Variants in CRB2 observed in about 807,000 individuals in gnomAD.
The protein encoded by CRB2 is crumbs cell polarity complex component 2, also known as protein crumbs homolog 2.
In CRB2, 85 loss-of-function variants were observed where a neutral mutation model predicts 110.9. The ratio of observed to expected loss-of-function variants is 0.77; its 90% CI spans 0.64 to 0.92. The LOEUF is 0.92. Among genes scored for constraint, CRB2 ranks in the 40% least tolerant of loss-of-function variants. The probability of loss-of-function intolerance (pLI) is 0.00; values close to 1 mark genes in which losing one functional copy is unlikely to be tolerated. For synonymous variants in CRB2, 907 were observed against 831.0 expected, an observed-to-expected ratio of 1.09 and a Z score of -1.57; for missense variants, 1,843 against 1,851.3, an observed-to-expected ratio of 1.00 and a Z score of 0.08.
At position 123,371,060 on chromosome 9, in the gene CRB2, C is replaced by G. The variant is rs1303529462; in HGVS notation, c.1928-10C>G. ...GCAGGCCTCACACCTGGCACCTTCT[C>G]TCCCTGCAGAGATTCCTGCTGCCAC... On this transcript the variant is annotated splice_polypyrimidine_tract_variant and intron_variant, in intron 7 of 12. Transcript: ENST00000373631. 1 of 1,609,252 alleles carries G rather than the reference C, an allele frequency of 6.2e-7. No individual in the cohort carries two copies. Among genetic ancestry groups the G allele is most frequent in the Non-Finnish European group, 8.5e-7 (1 of 1,177,890 alleles).
At position 123,371,440 on chromosome 9, in the gene CRB2, C is replaced by T. The variant is rs369105618; in HGVS notation, c.2298C>T (p.Cys766=). 2.5e-6 allele frequency: 4 copies of T among 1,612,828 alleles called. No homozygotes were observed. The highest frequency in any genetic ancestry group is 3.4e-6 in the Non-Finnish European group (4 of 1,179,932). ...SQPWGGPFRG[C]LQDLRLDGCH... is the part of the protein sequence containing the mutation. ...CCTGGGGTGGGCCCTTCCGAGGCTG[C>T]CTCCAGGACCTGCGACTCGATGGCT... The change falls in exon 8 of 13, where the codon TGC becomes TGT. Residue 766 remains cysteine, a synonymous_variant. Transcript: ENST00000373631.
At chr9:123,358,693 A>AG (rs1402066605) in intron 1 of CRB2, among the ~76,000 whole-genome samples, 1 of 152,258 alleles carries the variant, frequency 6.6e-6, no homozygotes, top group African/African-American at 2.4e-5. Context: ...AGAGATGGCC[A>AG]GTCCCAGAGC....
At chr9:123,374,519 C>A in intron 10 of CRB2, 60 bp from the exon 11 acceptor site, 1 of 1,262,364 alleles carries the variant, frequency 7.9e-7, no homozygotes, top group Non-Finnish European at 1.1e-6. Flanking sequence ...ACGGTCACAG[C>A]GCTGGGGAGG....
At position 123,367,155 on chromosome 9, in the gene CRB2, C is replaced by CGTGT. The variant is rs776120721; in HGVS notation, c.755-11_755-8dup. The CGTGT allele has an allele frequency of 3.2e-6, 5 of 1,566,432 alleles. No homozygotes were observed. The African/African-American group carries it at 6.9e-5, about 22-fold the overall frequency. Reference sequence around the variant, plus strand: ...GCAACCCCGTGAGACCTGATGTCCGCGTGTGTGTGCCCCCAGGCTACAGCG... The same window carrying CGTGT: ...GCAACCCCGTGAGACCTGATGTCCGCGTGTGTGTGTGTGCCCCCAGGCTACAGCG... On this transcript the variant is annotated splice_polypyrimidine_tract_variant and intron_variant, in intron 4 of 12. Transcript: ENST00000373631.
At chr9:123,355,655 G>A (rs2041788712), upstream of CRB2, among the ~76,000 whole-genome samples, 1 of 143,678 alleles carries the variant, frequency 7.0e-6, no homozygotes, top group African/African-American at 2.6e-5. Flanking sequence ...GGGGAGGGGG[G>A]AGTGGGGAGG....
chr9:123,373,842 C>A lies in CRB2; in HGVS notation c.3311C>A (p.Ala1104Asp), dbSNP rs2042059997. The A allele has an allele frequency of 6.4e-7, 1 of 1,567,268 alleles. No individual in the cohort carries two copies. Among genetic ancestry groups the A allele is most frequent in the Non-Finnish European group, 8.6e-7 (1 of 1,162,652 alleles). The change falls in exon 10 of 13, where the codon GCC becomes GAC. Residue 1104 changes from alanine (A) to aspartate (D), a missense_variant. Coordinates refer to ENST00000373631, the MANE Select transcript of CRB2 (RefSeq NM_173689.7). Reference protein sequence around the residue: ...HVDPCHSAPCARGRCHTHPDG... With the variant: ...HVDPCHSAPCDRGRCHTHPDG... ...GACCCCTGTCACTCCGCCCCCTGCG[C>A]CCGTGGCCGCTGTCACACGCACCCC... is the stretch of plus-strand genomic sequence containing the variant.
rs1428784295 is a variant in CRB2 at position 123,365,950 on chromosome 9, C to T, written c.452C>T (p.Ala151Val). 2 of 1,596,732 alleles carry T rather than the reference C, an allele frequency of 1.3e-6. No homozygotes were observed. The highest frequency in any genetic ancestry group is 1.3e-5 in the African/African-American group (1 of 74,740). ...TGCGAGATGGAGGTGGACGAGTGCG[C>T]CTCAGCGCCCTGCCTGCACGGGGGC... is the stretch of plus-strand genomic sequence containing the variant. ...VTCEMEVDECASAPCLHGGSC... is the reference protein window; with the variant it reads ...VTCEMEVDECVSAPCLHGGSC... The change falls in exon 3 of 13, where the codon GCC (alanine) becomes GTC (valine). Residue 151 changes from alanine to valine, a missense_variant. Ala to Val is a moderately conservative substitution (Grantham distance 64, BLOSUM62 0). Coordinates refer to ENST00000373631, the MANE Select transcript of CRB2 (RefSeq NM_173689.7).
intron 1 of CRB2, among the ~76,000 whole-genome samples, chr9:123,359,266 A>G (rs2041833178): frequency 6.6e-6 from 1 of 151,954 alleles, no homozygotes; most frequent in Non-Finnish European, 1.5e-5. Flanking sequence ...TGTAGGGTAG[A>G]GCCTTGGGGC....
chr9:123,373,381 C>T lies in CRB2; in HGVS notation c.2850C>T (p.Arg950=), dbSNP rs571344203. 349 of 1,432,452 alleles carry T rather than the reference C, an allele frequency of 2.4e-4. No homozygotes were observed. The African/African-American group carries it at 4.4e-3, about 18-fold the overall frequency. 88.7% of individuals were successfully genotyped at this position (1,432,452 alleles called of 1,614,324 possible). ...CTGTGCTGCCCATACCGGGGCCGCG[C>T]GTGGCCGATGGTGCCTGGCACCGCG... ...PGAVLPIPGP[R]VADGAWHRVR... is the part of the protein sequence containing the mutation. The change falls in exon 10 of 13, where the codon CGC becomes CGT. Residue 950 remains arginine, a synonymous_variant. Transcript: ENST00000373631.
At chr9:123,363,763 C>T (rs1395451659) in intron 2 of CRB2, among the ~76,000 whole-genome samples, 1 of 152,166 alleles carries the variant, frequency 6.6e-6, no homozygotes, top group African/African-American at 2.4e-5. Flanking sequence ...ATAATATATA[C>T]GTAAGTGCTC....
chr9:123,367,119 G>A (rs912504036), intron 4 of CRB2, 53 bp from the exon 5 acceptor site: 2 of 1,503,012 alleles, frequency 1.3e-6, no homozygotes, highest in African/African-American at 2.8e-5. Flanking sequence ...ATAGTGAAGA[G>A]GTGCTGCCCG....
rs574316898 is a variant in CRB2, at chr9:123,377,198, G to A, written c.*136G>A. On this transcript the variant is annotated 3_prime_UTR_variant, in exon 13 of 13. Coordinates refer to ENST00000373631, the MANE Select transcript of CRB2 (RefSeq NM_173689.7). ...GCTGGCAGCCTCTGCCTCTGCCTCTGCCCCATCCTGGATGGAGGACGAGGG... is the reference window on the plus strand; with the variant it reads ...GCTGGCAGCCTCTGCCTCTGCCTCTACCCCATCCTGGATGGAGGACGAGGG... 20 of 812,456 alleles carry A rather than the reference G, an allele frequency of 2.5e-5. No individual in the cohort carries two copies. The Admixed American group carries it at 3.9e-4, about 16-fold the overall frequency. 50.3% of individuals were successfully genotyped at this position (812,456 alleles called of 1,614,324 possible).
chr9:123,362,718 G>A (rs1001452423), intron 1 of CRB2, 147 bp from the exon 2 acceptor site: 1 of 710,034 alleles, frequency 1.4e-6, no homozygotes. Context: ...ACTGGGACCT[G>A]GCTTGCAGAC....
At chr9:123,365,669 C>T (rs1184349927) in intron 2 of CRB2, among the ~76,000 whole-genome samples, 1 of 152,210 alleles carries the variant, frequency 6.6e-6, no homozygotes, top group Non-Finnish European at 1.5e-5. Context: ...TAATTACTGG[C>T]TGAATCACCC....
In CRB2 at chr9:123,367,242, A is replaced by G. The variant is rs774091063; in HGVS notation, c.825A>G (p.Arg275=). ...CASSPCQHGG[R]CLQRSDPALY... is the part of the protein sequence containing the mutation. ...CGAGCCCCTGCCAGCATGGGGGCCG[A>G]TGCCTGCAGCGCTCTGACCCGGCCC... The change falls in exon 5 of 13, where the codon CGA becomes CGG. Residue 275 remains arginine (R), a synonymous_variant. Coordinates refer to ENST00000373631, the MANE Select transcript of CRB2 (RefSeq NM_173689.7). 7 of 1,597,020 alleles carry G rather than the reference A, an allele frequency of 4.4e-6. No individual in the cohort carries two copies. Among genetic ancestry groups the G allele is most frequent in the Non-Finnish European group, 5.1e-6 (6 of 1,177,290 alleles).
At chr9:123,356,830 T>C (rs2041806139) in intron 1 of CRB2, among the ~76,000 whole-genome samples, 1 of 151,874 alleles carries the variant, frequency 6.6e-6, no homozygotes, top group South Asian at 2.1e-4. Context: ...GGATGAGCTG[T>C]CTGGGGTGAG....
chr9:123,375,195 C>T, intron 11 of CRB2, 22 bp from the exon 12 acceptor site: 1 of 1,611,418 alleles, frequency 6.2e-7, no homozygotes, highest in African/African-American at 1.3e-5. Flanking sequence ...AAGCCGCTTT[C>T]TCAGCCCCCC....
intron 2 of CRB2, among the ~76,000 whole-genome samples, chr9:123,364,040 C>T (rs771048731): frequency 3.3e-5 from 5 of 152,126 alleles, no homozygotes; most frequent in Non-Finnish European, 7.4e-5. Context: ...AGTTTGAAGT[C>T]ACTTCAGAGC....
At position 123,373,246 on chromosome 9, in the gene CRB2, C is replaced by T. The variant is rs767145531; in HGVS notation, c.2715C>T (p.Ser905=). ...CGCTGGCCTTTCGCACGCGCGACTC[C>T]GAGGCCTGGCTGCTGCGTGCCGCGG... ...GLSLAFRTRD[S]EAWLLRAAAG... The change falls in exon 10 of 13, where the codon TCC becomes TCT. Residue 905 remains serine, a synonymous_variant. Coordinates refer to ENST00000373631, the MANE Select transcript of CRB2 (RefSeq NM_173689.7). 8.0e-6 allele frequency: 12 copies of T among 1,502,108 alleles called. No homozygotes were observed. Among genetic ancestry groups the T allele is most frequent in the Non-Finnish European group, 8.8e-6 (10 of 1,133,440 alleles). 93.0% of individuals were successfully genotyped at this position (1,502,108 alleles called of 1,614,324 possible).
Sources: allele counts gnomAD v4.1 joint callset (sites outside exome capture counted in the v4.1 genomes callset), GRCh38; gene constraint gnomAD v4.1.1; transcripts MANE v1.5; gene names NCBI Gene and HGNC (gene_info 2026-07-23, HGNC 2026-07-21).